The following RTN1 variants were observed in gnomAD, a reference collection of about 807,000 sequenced individuals.
RTN1 encodes the protein reticulon-1.
In RTN1, 25 loss-of-function variants were observed where a neutral mutation model predicts 65.5. The ratio of observed to expected loss-of-function variants is 0.38; its 90% CI spans 0.28 to 0.53. The LOEUF is 0.53. RTN1 is among the 20% of genes least tolerant of loss of function. The pLI, the probability that RTN1 is intolerant of heterozygous loss-of-function variation, is 0.79. For missense variants in RTN1, 983 were observed against 1,025.4 expected (o/e 0.96, Z 0.57); for synonymous variants, 471 against 447.6 (o/e 1.05, Z -0.66).
At position 59,870,534 on chromosome 14, in the gene RTN1, C is replaced by A. The variant is rs1887882539; in HGVS notation, c.97G>T (p.Val33Leu). Residue 33 changes from valine to leucine, a missense_variant, in exon 1 of 9, where the codon GTG (valine) becomes TTG (leucine). Physicochemically the swap from Val to Leu is conservative, Grantham distance 32. Coordinates refer to ENST00000267484, the MANE Select transcript of RTN1 (RefSeq NM_021136.3). This position sits in a 1 kb window ranked among gnomAD's most constrained non-coding sequence, Gnocchi z 5.1. ...GCCGGCGTGGCCCCTTTCGGCGTCA[C>A]CGCTTCGTTCTCCCCCTCCCCCCGG... ...RHRGEGENEA[V>L]TPKGATPAPQ... 1.4e-6 allele frequency: 2 copies of A among 1,459,288 alleles called. No homozygotes were observed. Among genetic ancestry groups the A allele is most frequent in the East Asian group, 6.1e-5 (2 of 32,838 alleles). The allele number at this position is 1,459,288 out of a possible 1,614,324, so 90.4% of individuals were successfully genotyped here. A position where few individuals can be genotyped will look rare whatever the true frequency, so the allele number is the denominator to read the frequency against.
At chr14:59,653,893 TTTTA>T (rs142064095) in intron 3 of RTN1, among the ~76,000 whole-genome samples, 1 of 151,774 alleles carries the variant, frequency 6.6e-6, no homozygotes, top group East Asian at 1.9e-4. Flanking sequence ...TTGAACAACA[TTTTA>T]TTTATTTATT....
intron 3 of RTN1, among the ~76,000 whole-genome samples, chr14:59,699,298 T>A (rs1190312181): frequency 6.6e-6 from 1 of 151,808 alleles, no homozygotes; most frequent in African/African-American, 2.4e-5. Context: ...TAAAATAAAA[T>A]AAAAACAAAA....
intron 1 of RTN1, among the ~76,000 whole-genome samples, chr14:59,861,221 C>A (rs1189636483): frequency 6.6e-6 from 1 of 152,102 alleles, no homozygotes; most frequent in African/African-American, 2.4e-5. Flanking sequence ...TGGGGCAGGT[C>A]TTTTCCATGC....
At chr14:59,770,516 C>T (rs1885935769) in intron 1 of RTN1, among the ~76,000 whole-genome samples, 1 of 151,446 alleles carries the variant, frequency 6.6e-6, no homozygotes, top group Non-Finnish European at 1.5e-5. Flanking sequence ...ATTCTCAGAA[C>T]TCTACTCATT....
intron 1 of RTN1, among the ~76,000 whole-genome samples, chr14:59,861,489 C>G (rs1350534797): frequency 2.0e-5 from 3 of 152,130 alleles, no homozygotes; most frequent in Non-Finnish European, 4.4e-5. Context: ...AATAATGTAA[C>G]AATAACAATG....
intron 1 of RTN1, among the ~76,000 whole-genome samples, chr14:59,749,358 CTATATA>C (rs1320572308): frequency 6.0e-5 from 1 of 16,682 alleles, no homozygotes; most frequent in African/African-American, 3.6e-4. Context: ...CTATATATAT[CTATATA>C]TATATCTATA....
chr14:59,710,111 C>T (rs1458510087), intron 3 of RTN1, among the ~76,000 whole-genome samples: 2 of 148,942 alleles, frequency 1.3e-5, no homozygotes, highest in Non-Finnish European at 3.0e-5. Flanking sequence ...GGCACGATCT[C>T]AGCTCACTGA....
intron 1 of RTN1, among the ~76,000 whole-genome samples, chr14:59,789,153 T>C (rs1289715046): frequency 2.0e-5 from 3 of 152,088 alleles, no homozygotes; most frequent in East Asian, 1.9e-4. Flanking sequence ...CATCTTACCA[T>C]ATTCTTTTGA....
intron 1 of RTN1, among the ~76,000 whole-genome samples, chr14:59,760,990 T>G (rs74058789): frequency 0.013 from 1,914 of 152,324 alleles, 40 homozygotes; most frequent in African/African-American, 0.043. Flanking sequence ...TCTGAGTCCC[T>G]TGACTTACAT....
intron 1 of RTN1, among the ~76,000 whole-genome samples, chr14:59,833,851 A>G (rs76952798): frequency 6.6e-6 from 1 of 152,242 alleles, no homozygotes; most frequent in African/African-American, 2.4e-5. Context: ...AGCAAATGCT[A>G]TCTCTGAAAC....
intron 1 of RTN1, among the ~76,000 whole-genome samples, chr14:59,775,386 T>A (rs1886032620): frequency 6.6e-6 from 1 of 152,194 alleles, no homozygotes. Flanking sequence ...TTTTGACCTT[T>A]TTTTTTGTAG....
chr14:59,644,932 A>G (rs1882857722), intron 3 of RTN1, among the ~76,000 whole-genome samples: 1 of 152,166 alleles, frequency 6.6e-6, no homozygotes, highest in African/African-American at 2.4e-5. Flanking sequence ...CAGTGGTTCC[A>G]AGCCTCCCTG....
chr14:59,625,932 A>T (rs1303737696), intron 3 of RTN1, among the ~76,000 whole-genome samples: 2 of 152,184 alleles, frequency 1.3e-5, no homozygotes, highest in Non-Finnish European at 2.9e-5. Flanking sequence ...GGGAAAAAAA[A>T]TCCCCTTCTC....
At position 59,676,744 on chromosome 14, in the gene RTN1, T is replaced by A. The variant is rs1368369301; in HGVS notation, c.1765+50175A>T. Among the ~76,000 whole-genome samples, 4 of 152,204 alleles carry A rather than the reference T, an allele frequency of 2.6e-5. No homozygotes were observed. The East Asian group carries it at 5.8e-4, about 22-fold the overall frequency. ...CATCCCCAATCAATCAAATCAGAAT[T>A]GCTGGGGATGAAGCCCTAGCATATG... is the stretch of plus-strand genomic sequence containing the variant. On this transcript the variant is annotated intron_variant, in intron 3 of 8. Coordinates refer to ENST00000267484, the MANE Select transcript of RTN1 (RefSeq NM_021136.3).
rs188813237 is a variant in RTN1, at chr14:59,708,967, G to A, written c.1765+17952C>T. 5.3e-5 allele frequency among the ~76,000 whole-genome samples: 8 copies of A among 152,312 alleles called. No homozygotes were observed. In the East Asian group the frequency reaches 1.5e-3, roughly 29 times the overall value. ...ATAGTTAATGTAGTGGAAAATAGAA[G>A]TTGAGAGATTTTTGCTCATTGGCTA... On this transcript the variant is annotated intron_variant, in intron 3 of 8. Coordinates refer to ENST00000267484, the MANE Select transcript of RTN1 (RefSeq NM_021136.3).
Position 59,836,005 on chromosome 14 carries a change from G to A in RTN1, c.241+34385C>T, listed in dbSNP as rs1887206851. On this transcript the variant is annotated intron_variant, in intron 1 of 8. Coordinates refer to ENST00000267484, the MANE Select transcript of RTN1 (RefSeq NM_021136.3). This position sits in a 1 kb window ranked among gnomAD's most constrained non-coding sequence, Gnocchi z 4.9. Reference sequence around the variant, plus strand: ...AGAACTGCTTCCTTGCCTTTTTCCAGGTCCTTGGCTCTATTCTTCCCTCCC... The same window carrying A: ...AGAACTGCTTCCTTGCCTTTTTCCAAGTCCTTGGCTCTATTCTTCCCTCCC... 6.6e-6 allele frequency among the ~76,000 whole-genome samples: 1 copy of A among 152,060 alleles called. No homozygotes were observed. The highest frequency in any genetic ancestry group is 1.5e-5 in the Non-Finnish European group (1 of 68,006).
At chr14:59,751,191 C>CTTTTTTTTTT (rs34021179) in intron 1 of RTN1, among the ~76,000 whole-genome samples, 16 of 90,800 alleles carry the variant, frequency 1.8e-4, no homozygotes, top group Non-Finnish European at 2.0e-4. Context: ...CTCATTATAC[C>CTTTTTTTTTT]TTTTTTTTTT....
At chr14:59,848,434 G>A (rs1000680536) in intron 1 of RTN1, among the ~76,000 whole-genome samples, 17 of 152,164 alleles carry the variant, frequency 1.1e-4, no homozygotes, top group African/African-American at 2.4e-5. Context: ...AATCATAACT[G>A]TCAAGAATTG....
intron 3 of RTN1, among the ~76,000 whole-genome samples, chr14:59,723,636 A>T (rs895032405): frequency 3.3e-5 from 5 of 152,086 alleles, no homozygotes; most frequent in South Asian, 2.1e-4. Context: ...AATAAATAAA[A>T]ATAAATTAAA....
Sources: allele counts gnomAD v4.1 joint callset (sites outside exome capture counted in the v4.1 genomes callset), GRCh38; gene constraint gnomAD v4.1.1; non-coding constraint Gnocchi (gnomAD v3.1); transcripts MANE v1.5; gene names NCBI Gene and HGNC (gene_info 2026-07-23, HGNC 2026-07-21).